ATAD1: variants seen among roughly 807,000 people sequenced by gnomAD.
The protein encoded by ATAD1 is outer mitochondrial transmembrane helix translocase.
A neutral mutation model predicts 42.7 loss-of-function variants in ATAD1; 18 were observed. The ratio of observed to expected loss-of-function variants is 0.42; its 90% CI spans 0.29 to 0.63. ATAD1 has a LOEUF of 0.63. Among genes scored for constraint, ATAD1 ranks in the 20% least tolerant of loss-of-function variants. The pLI, the probability that ATAD1 is intolerant of heterozygous loss-of-function variation, is 0.19. For synonymous variants in ATAD1, 132 were observed against 143.1 expected, an observed-to-expected ratio of 0.92 and a Z score of 0.55; for missense variants, 294 against 440.4, an observed-to-expected ratio of 0.67 and a Z score of 2.98.
intron 8 of ATAD1, among the ~76,000 whole-genome samples, chr10:87,760,113 C>T (rs747174137): frequency 1.3e-5 from 2 of 152,132 alleles, no homozygotes; most frequent in Non-Finnish European, 2.9e-5. Context: ...TTGTAAATAA[C>T]ATCTATGTAC....
At chr10:87,840,374 T>C (rs1479417822) in intron 1 of ATAD1, among the ~76,000 whole-genome samples, 2 of 152,078 alleles carry the variant, frequency 1.3e-5, no homozygotes, top group African/African-American at 4.8e-5. Flanking sequence ...TAGTCCTAGC[T>C]ACTTGAAGGC....
At chr10:87,756,708 T>C in intron 9 of ATAD1, 81 bp downstream of exon 9, 1 of 1,357,338 alleles carries the variant, frequency 7.4e-7, no homozygotes, top group Non-Finnish European at 9.9e-7. Context: ...GTGTTTCTAA[T>C]ATAAAGCAAA....
chr10:87,817,938 A>G (rs1857501408), intron 1 of ATAD1: 1 of 985,514 alleles, frequency 1.0e-6, no homozygotes, highest in Non-Finnish European at 1.2e-6. Context: ...AGCAGACCCT[A>G]AGGGCCCAGG....
chr10:87,775,557 A>T (rs995670898), intron 6 of ATAD1, among the ~76,000 whole-genome samples: 1 of 144,540 alleles, frequency 6.9e-6, no homozygotes, highest in Non-Finnish European at 1.5e-5. Context: ...TAGGATGTTT[A>T]TTTCCAGCAA....
At chr10:87,789,384 C>T (rs1343332777) in intron 4 of ATAD1, among the ~76,000 whole-genome samples, 3 of 152,186 alleles carry the variant, frequency 2.0e-5, no homozygotes, top group Admixed American at 2.0e-4. Context: ...AAATTATTTA[C>T]ACTCCATCTG....
At chr10:87,758,561 A>G (rs1307402143) in intron 8 of ATAD1, among the ~76,000 whole-genome samples, 1 of 152,186 alleles carries the variant, frequency 6.6e-6, no homozygotes, top group Non-Finnish European at 1.5e-5. Flanking sequence ...TTTGAGGTTT[A>G]TAATAGACAA....
Position 87,814,506 on chromosome 10 carries a change from A to C in ATAD1, c.94T>G (p.Phe32Val), listed in dbSNP as rs1488159734. 6.8e-6 allele frequency: 11 copies of C among 1,611,718 alleles called. No homozygotes were observed. The highest frequency in any genetic ancestry group is 1.7e-5 in the Admixed American group (1 of 59,704). ...GCATCTACCATCCATTTGATAGTAA[A>C]GTATGTCACTGCACCAAATATTGTC... The part of the protein sequence containing the change: ...RLTIFGAVTY[F>V]TIKWMVDAID... The change falls in exon 2 of 10, where the codon TTT (phenylalanine) becomes GTT (valine). Residue 32 changes from phenylalanine to valine, a missense_variant. Coordinates refer to ENST00000680024, the MANE Select transcript of ATAD1 (RefSeq NM_001321967.2).
chr10:87,832,429 T>C (rs1857849937), intron 1 of ATAD1, among the ~76,000 whole-genome samples: 1 of 151,698 alleles, frequency 6.6e-6, no homozygotes, highest in Non-Finnish European at 1.5e-5. Flanking sequence ...GTGGGCCGTG[T>C]TTGTGTGGGA....
intron 8 of ATAD1, among the ~76,000 whole-genome samples, chr10:87,765,675 G>C (rs2131787933): frequency 6.6e-6 from 1 of 152,230 alleles, no homozygotes; most frequent in Admixed American, 6.5e-5. Flanking sequence ...AAATTCAAAT[G>C]CTTCTTAAAC....
intron 5 of ATAD1, among the ~76,000 whole-genome samples, chr10:87,777,102 C>T (rs1855339765): frequency 1.3e-5 from 2 of 152,064 alleles, no homozygotes; most frequent in African/African-American, 4.8e-5. Context: ...TCTAAAAATA[C>T]ATTCATGACA....
chr10:87,817,839 A>T, intron 1 of ATAD1: 1 of 985,438 alleles, frequency 1.0e-6, no homozygotes, highest in Non-Finnish European at 1.2e-6. Flanking sequence ...CTGGTTCTGA[A>T]GTCTTCCGGG....
chr10:87,779,793 A>G (rs1049144914), intron 5 of ATAD1, among the ~76,000 whole-genome samples: 1 of 152,200 alleles, frequency 6.6e-6, no homozygotes, highest in African/African-American at 2.4e-5. Flanking sequence ...TATCTATTAC[A>G]ATAGCTAAAA....
intron 6 of ATAD1, among the ~76,000 whole-genome samples, chr10:87,775,524 A>G (rs1855264836): frequency 6.6e-6 from 1 of 151,328 alleles, no homozygotes; most frequent in Admixed American, 6.6e-5. Context: ...TAAAAAAAAA[A>G]AAAAAAAAAG....
chr10:87,834,188 A>G (rs183004874), intron 1 of ATAD1, among the ~76,000 whole-genome samples: 1 of 152,270 alleles, frequency 6.6e-6, no homozygotes, highest in East Asian at 1.9e-4. Flanking sequence ...GATGGATTCA[A>G]TTTGTTAATA....
intron 2 of ATAD1, among the ~76,000 whole-genome samples, chr10:87,811,192 G>A (rs7920910): frequency 0.29 from 44,524 of 151,830 alleles, 6,748 homozygotes; most frequent in Middle Eastern, 0.31. Context: ...AATTAGCCAC[G>A]TGTGGTTGCA....
intron 1 of ATAD1, among the ~76,000 whole-genome samples, chr10:87,836,338 G>T (rs1464681990): frequency 6.6e-6 from 1 of 152,126 alleles, no homozygotes; most frequent in African/African-American, 2.4e-5. Flanking sequence ...TCTGTCTGAA[G>T]AACTTCCATT....
chr10:87,840,886 T>C (rs1211139690), intron 1 of ATAD1, among the ~76,000 whole-genome samples: 4 of 152,248 alleles, frequency 2.6e-5, no homozygotes, highest in African/African-American at 9.6e-5. Flanking sequence ...ATCTCAGGGC[T>C]ATATTATATC....
At chr10:87,778,227 A>C (rs1428801659) in intron 5 of ATAD1, among the ~76,000 whole-genome samples, 1 of 150,096 alleles carries the variant, frequency 6.7e-6, no homozygotes, top group Non-Finnish European at 1.5e-5. Context: ...CACTCAAGCC[A>C]GGGGTTCGAG....
At chr10:87,780,717 C>T (rs1589496976) in intron 5 of ATAD1, among the ~76,000 whole-genome samples, 1 of 152,112 alleles carries the variant, frequency 6.6e-6, no homozygotes, top group East Asian at 1.9e-4. Flanking sequence ...ATTATGCTAC[C>T]GTCTGTTGTG....
Sources: gnomAD v4.1 joint callset for allele counts (sites outside exome capture counted in the v4.1 genomes callset) on GRCh38, gnomAD v4.1.1 for gene constraint, MANE v1.5 for transcripts, NCBI Gene and HGNC (gene_info 2026-07-23, HGNC 2026-07-21) for gene names.